The following MYO18B variants were observed in gnomAD, a reference collection of about 807,000 sequenced individuals.
MYO18B encodes myosin XVIIIB, also known as unconventional myosin-XVIIIb.
In MYO18B, 204 loss-of-function variants were observed where a neutral mutation model predicts 273.0. That is an observed-to-expected ratio of 0.75 (90% CI 0.67 to 0.84). The LOEUF (loss-of-function observed/expected upper bound fraction) is 0.84, where lower values mean the gene tolerates loss of function less well. Ranked by LOEUF, MYO18B falls within the 40% of genes least tolerant of loss-of-function variation. The pLI is 0.00. For missense variants in MYO18B, 3,212 were observed against 3,287.6 expected (o/e 0.98, Z 0.56); for synonymous variants, 1,330 against 1,305.7 (o/e 1.02, Z -0.40).
chr22:25,908,815 A>G (rs1182083619), intron 32 of MYO18B, among the ~76,000 whole-genome samples: 1 of 152,196 alleles, frequency 6.6e-6, no homozygotes, highest in African/African-American at 2.4e-5. Context: ...GCCATTCCGA[A>G]CAGTGTGTAA....
At chr22:25,970,004 C>T (rs1412392660) in intron 39 of MYO18B, among the ~76,000 whole-genome samples, 1 of 152,062 alleles carries the variant, frequency 6.6e-6, no homozygotes, top group Admixed American at 6.6e-5. Flanking sequence ...ACCACCAACA[C>T]ATCATCTTTT....
intron 40 of MYO18B, among the ~76,000 whole-genome samples, chr22:25,997,978 C>CACGAGAGAGAGA (rs34431605): frequency 6.2e-5 from 9 of 144,550 alleles, no homozygotes; most frequent in African/African-American, 2.1e-4. Flanking sequence ...CACACACACA[C>CACGAGAGAGAGA]GAGAGAGAGA....
Position 25,922,844 on chromosome 22 carries a change from C to T in MYO18B, c.5517+1435C>T, listed in dbSNP as rs1032784820. 2.6e-5 allele frequency among the ~76,000 whole-genome samples: 4 copies of T among 152,328 alleles called. 1 individual carries two copies. Among genetic ancestry groups the T allele is most frequent in the Middle Eastern group, 6.8e-3 (2 of 294 alleles). On this transcript the variant is annotated intron_variant, in intron 34 of 43. Transcript: ENST00000335473. ...CTGGTGTCAGTTTCTATCTGTAAAA[C>T]AAAACATTTCAGTTAGAGCTTATTC...
Position 25,846,746 on chromosome 22 carries a change from GA to G in MYO18B, c.3552+466del, listed in dbSNP as rs1270172963. On this transcript the variant is annotated intron_variant, in intron 19 of 43. Transcript: ENST00000335473. ...GATTGGTCAATGGCCAGGCTGAGCA[GA>G]AATGAGAATGGGCTGAGACAAGGGA... is the stretch of plus-strand genomic sequence containing the variant. Among the ~76,000 whole-genome samples, 4 of 152,210 alleles carry G rather than the reference GA, an allele frequency of 2.6e-5. No individual in the cohort carries two copies. In the East Asian group the frequency reaches 7.7e-4, roughly 29 times the overall value.
chr22:25,958,768 T>C (rs2092883526), intron 39 of MYO18B, among the ~76,000 whole-genome samples: 1 of 152,174 alleles, frequency 6.6e-6, no homozygotes, highest in African/African-American at 2.4e-5. Context: ...TCTCCCTGGC[T>C]TCTGAAGACA....
intron 12 of MYO18B, among the ~76,000 whole-genome samples, chr22:25,817,221 TTTC>T (rs2089056850): frequency 6.6e-6 from 1 of 150,850 alleles, no homozygotes; most frequent in African/African-American, 2.4e-5. Context: ...TCTTTCTTTC[TTTC>T]GTTCTTTCTC....
At chr22:26,051,668 T>C in the MYO18B span, among the ~76,000 whole-genome samples, 1 of 152,198 alleles carries the variant, frequency 6.6e-6, no homozygotes, top group Admixed American at 6.5e-5. Flanking sequence ...CCTTCGTACT[T>C]CTACTCTTGG....
intron 34 of MYO18B, among the ~76,000 whole-genome samples, chr22:25,931,269 A>G (rs1198028851): frequency 6.6e-6 from 1 of 152,234 alleles, no homozygotes; most frequent in Admixed American, 6.5e-5. Context: ...AAATGTTGAC[A>G]CATTCAATGC....
chr22:25,864,081 C>A (rs2090818242), intron 21 of MYO18B, among the ~76,000 whole-genome samples: 1 of 152,158 alleles, frequency 6.6e-6, no homozygotes. Flanking sequence ...CCATGCTTTG[C>A]TCCATATAGG....
At chr22:25,875,223 G>A (rs999187333) in intron 23 of MYO18B, among the ~76,000 whole-genome samples, 20 of 152,226 alleles carry the variant, frequency 1.3e-4, no homozygotes, top group African/African-American at 4.6e-4. Context: ...CCTGGGCTCT[G>A]CAGCCAGACT....
At chr22:25,993,451 T>TG (rs1272074013) in intron 40 of MYO18B, among the ~76,000 whole-genome samples, 1 of 152,196 alleles carries the variant, frequency 6.6e-6, no homozygotes, top group Non-Finnish European at 1.5e-5. Flanking sequence ...TGTACACACC[T>TG]GAGCAGGCCA....
intron 34 of MYO18B, among the ~76,000 whole-genome samples, chr22:25,935,203 T>C (rs761919122): frequency 1.9e-4 from 29 of 152,130 alleles, no homozygotes; most frequent in Non-Finnish European, 2.6e-4. Flanking sequence ...CATCCTACTT[T>C]AAATGTGCCG....
chr22:25,884,586 ATTC>A (rs2091442083), intron 25 of MYO18B: 1 of 152,214 alleles, frequency 6.6e-6, no homozygotes, highest in Non-Finnish European at 1.5e-5. Flanking sequence ...CAGCTGGTGT[ATTC>A]TTTCTGACTG....
At position 26,027,869 on chromosome 22, in the gene MYO18B, G is replaced by A; in HGVS notation, c.*12+179G>A. 2 of 620,740 alleles carry A rather than the reference G, an allele frequency of 3.2e-6. No individual in the cohort carries two copies. The highest frequency in any genetic ancestry group is 2.7e-6 in the Non-Finnish European group (1 of 365,600). 38.5% of individuals were successfully genotyped at this position (620,740 alleles called of 1,614,324 possible). On this transcript the variant is annotated intron_variant, in intron 43 of 43. Transcript: ENST00000335473. This position sits in a 1 kb window ranked among gnomAD's most constrained non-coding sequence, Gnocchi z 4.1. ...ATGCAAAGCTTTTCAGAACCCCTCT[G>A]CTGGGTACCTCTACTTCCTTGTACT...
chr22:25,921,309 G>C lies in MYO18B; in HGVS notation c.5417G>C (p.Arg1806Thr), dbSNP rs1186766816. 3.8e-6 allele frequency: 6 copies of C among 1,563,234 alleles called. No individual in the cohort carries two copies. The highest frequency in any genetic ancestry group is 5.2e-6 in the Non-Finnish European group (6 of 1,153,614). The change falls in exon 34 of 44, where the codon AGG (arginine) becomes ACG (threonine). Residue 1806 changes from arginine to threonine, a missense_variant. Arg to Thr is a moderately conservative substitution (Grantham distance 71). Transcript: ENST00000335473. ...VEKRLRRDLR[R>T]THALLSDVQL... is the part of the protein sequence containing the mutation. Reference sequence around the variant, plus strand: ...AAGCGACTTCGGAGAGACCTCAGGAGGACACATGCACTGTTGTCAGACGTG... The same window carrying C: ...AAGCGACTTCGGAGAGACCTCAGGACGACACATGCACTGTTGTCAGACGTG...
intron 34 of MYO18B, among the ~76,000 whole-genome samples, chr22:25,934,078 G>C (rs543380374): frequency 6.6e-6 from 1 of 152,206 alleles, no homozygotes; most frequent in South Asian, 2.1e-4. Flanking sequence ...CTTCTCTGAT[G>C]TTCACCTTTT....
downstream of MYO18B, among the ~76,000 whole-genome samples, chr22:26,032,891 A>G (rs1250824844): frequency 6.6e-6 from 1 of 152,188 alleles, no homozygotes. Flanking sequence ...AGGGGTTCAC[A>G]ATTCAGCCTG....
chr22:25,970,823 A>AACAAG (rs2093029482), intron 39 of MYO18B, among the ~76,000 whole-genome samples: 3 of 152,168 alleles, frequency 2.0e-5, no homozygotes, highest in African/African-American at 7.2e-5. Context: ...AGAGACTTAA[A>AACAAG]CACTCAGGGG....
At chr22:25,842,331 G>A (rs73879566) in intron 17 of MYO18B, among the ~76,000 whole-genome samples, 2,848 of 152,236 alleles carry the variant, frequency 0.019, 98 homozygotes, top group African/African-American at 0.065. Flanking sequence ...AAGTAAGATC[G>A]TTCCGAATAG....
Sources: allele counts gnomAD v4.1 joint callset (sites outside exome capture counted in the v4.1 genomes callset), GRCh38; gene constraint gnomAD v4.1.1; non-coding constraint Gnocchi (gnomAD v3.1); transcripts MANE v1.5; gene names NCBI Gene and HGNC (gene_info 2026-07-23, HGNC 2026-07-21).